The following NOL10 variants were observed in gnomAD, a reference collection of about 807,000 sequenced individuals.
The protein encoded by NOL10 is nucleolar protein 10, also known as H_NH0074G24.1.
In NOL10, 58 loss-of-function variants were observed where a neutral mutation model predicts 103.5. The observed-to-expected ratio is 0.56, with a 90% CI of 0.45 to 0.70. NOL10 has a LOEUF of 0.70. Ranked by LOEUF, NOL10 falls within the 30% of genes least tolerant of loss-of-function variation. The probability of loss-of-function intolerance (pLI) is 0.00; values close to 1 mark genes in which losing one functional copy is unlikely to be tolerated. For missense variants in NOL10, 763 were observed against 807.3 expected (o/e 0.95, Z 0.67); for synonymous variants, 287 against 282.5 (o/e 1.02, Z -0.16).
At position 10,589,662 on chromosome 2, in the gene NOL10, C is replaced by A; in HGVS notation, c.1512G>T (p.Arg504Ser). Residue 504 changes from arginine to serine, a missense_variant, in exon 18 of 21, where the codon AGG becomes AGT. Physicochemically the swap from Arg to Ser is moderately radical, Grantham distance 110. Coordinates refer to ENST00000381685, the MANE Select transcript of NOL10 (RefSeq NM_024894.4). ...TTTTTGAAACAAGTGGATTCAGAAG[C>A]CTAAATTCTTCACTCTCTTCATCTA... Reference protein sequence around the residue: ...FQVDEESEEFRLLNPLVSKIS... With the variant: ...FQVDEESEEFSLLNPLVSKIS... 1 of 1,591,486 alleles carries A rather than the reference C, an allele frequency of 6.3e-7. No homozygotes were observed.
At chr2:10,601,305 C>T (rs1212584936) in intron 16 of NOL10, among the ~76,000 whole-genome samples, 2 of 152,168 alleles carry the variant, frequency 1.3e-5, no homozygotes, top group African/African-American at 2.4e-5. Flanking sequence ...CCTCGTGATC[C>T]GCCTGCCTGG....
chr2:10,645,733 G>A (rs1298839576), intron 12 of NOL10, among the ~76,000 whole-genome samples: 1 of 151,932 alleles, frequency 6.6e-6, no homozygotes, highest in African/African-American at 2.4e-5. Flanking sequence ...GTTTCACCAT[G>A]TTAGCCAGGA....
At chr2:10,688,342 C>T (rs951703625) in intron 1 of NOL10, among the ~76,000 whole-genome samples, 1 of 152,202 alleles carries the variant, frequency 6.6e-6, no homozygotes, top group Non-Finnish European at 1.5e-5. Flanking sequence ...TCCTACCAGG[C>T]CTACCTCTCC....
chr2:10,630,225 C>T (rs1677742528), intron 13 of NOL10, among the ~76,000 whole-genome samples: 1 of 152,196 alleles, frequency 6.6e-6, no homozygotes. Context: ...CAATATCATT[C>T]CTCTTTTGTT....
intron 13 of NOL10, among the ~76,000 whole-genome samples, chr2:10,613,878 T>A (rs1160595199): frequency 6.6e-6 from 1 of 151,434 alleles, no homozygotes; most frequent in Non-Finnish European, 1.5e-5. Flanking sequence ...ACTGGAACAA[T>A]AATAAAAACA....
chr2:10,622,785 A>C (rs1677223944), intron 13 of NOL10, among the ~76,000 whole-genome samples: 2 of 152,276 alleles, frequency 1.3e-5, no homozygotes, highest in Non-Finnish European at 1.5e-5. Context: ...TTTTCCATGG[A>C]GATGAACCAG....
At chr2:10,589,342 C>T in intron 18 of NOL10, 52 bp from the exon 19 acceptor site, 1 of 1,599,768 alleles carries the variant, frequency 6.3e-7, no homozygotes, top group Admixed American at 1.7e-5. Context: ...CAAACACAGA[C>T]CCCTTGGTTT....
intron 1 of NOL10, among the ~76,000 whole-genome samples, chr2:10,688,265 T>TCGCA (rs1243345091): frequency 2.0e-5 from 3 of 152,190 alleles, no homozygotes. Flanking sequence ...TAGACATTTG[T>TCGCA]CGCACAGCAG....
chr2:10,682,578 T>G (rs2148365169), intron 2 of NOL10, among the ~76,000 whole-genome samples: 1 of 152,066 alleles, frequency 6.6e-6, no homozygotes, highest in African/African-American at 2.4e-5. Context: ...TTTTGTATTT[T>G]TTGTAGAGAT....
chr2:10,685,496 CCCCCCCCCCCCG>C (rs1558360196), intron 1 of NOL10, among the ~76,000 whole-genome samples: 5 of 18,670 alleles, frequency 2.7e-4, no homozygotes, highest in Non-Finnish European at 6.9e-4. Flanking sequence ...CGTCCCCCCC[CCCCCCCCCCCCG>C]CCAAAAAAAA....
rs1674153526 is a variant in NOL10 at position 10,571,089 on chromosome 2, A to G, written c.*982T>C. 1 of 152,238 alleles carries G rather than the reference A, an allele frequency of 6.6e-6. No individual in the cohort carries two copies. Among genetic ancestry groups the G allele is most frequent in the Non-Finnish European group, 1.5e-5 (1 of 68,046 alleles). 9.4% of individuals were successfully genotyped at this position (152,238 alleles called of 1,614,324 possible). A position where few individuals can be genotyped will look rare whatever the true frequency, so the allele number is the denominator to read the frequency against. ...TCCTCCAATGTCATGTCAGTGCTTG[A>G]TATGGTTTTGCTCTGTGTCCCCACA... On this transcript the variant is annotated 3_prime_UTR_variant, in exon 21 of 21. Coordinates refer to ENST00000381685, the MANE Select transcript of NOL10 (RefSeq NM_024894.4).
chr2:10,604,299 C>G (rs962145468), intron 14 of NOL10, among the ~76,000 whole-genome samples: 2 of 152,126 alleles, frequency 1.3e-5, no homozygotes, highest in African/African-American at 4.8e-5. Context: ...AAGCATTACT[C>G]TAATTTCCAA....
chr2:10,597,547 G>A (rs10490187), intron 17 of NOL10, among the ~76,000 whole-genome samples: 30,013 of 151,964 alleles, frequency 0.2, 3,754 homozygotes, highest in East Asian at 0.43. Context: ...TGATTTCTAC[G>A]ATCTTCACTT....
chr2:10,587,250 TATATATACAC>T (rs1675148355), intron 19 of NOL10, among the ~76,000 whole-genome samples: 2 of 44,802 alleles, frequency 4.5e-5, no homozygotes, highest in African/African-American at 2.1e-4. Context: ...CATACATATA[TATATATACAC>T]ATATATATAT....
chr2:10,670,313 G>A (rs1306886954), intron 6 of NOL10, among the ~76,000 whole-genome samples: 1 of 151,564 alleles, frequency 6.6e-6, no homozygotes, highest in Non-Finnish European at 1.5e-5. Context: ...GTATTTTCAG[G>A]GGAAAAAAAA....
chr2:10,620,323 C>T (rs1455841559), intron 13 of NOL10, among the ~76,000 whole-genome samples: 1 of 151,804 alleles, frequency 6.6e-6, no homozygotes, highest in Non-Finnish European at 1.5e-5. Flanking sequence ...GGGGGAAACT[C>T]GGCAGAAAAA....
At chr2:10,610,108 A>T (rs1676471999) in intron 13 of NOL10, among the ~76,000 whole-genome samples, 1 of 152,226 alleles carries the variant, frequency 6.6e-6, no homozygotes, top group African/African-American at 2.4e-5. Context: ...GTATATGAAT[A>T]CTTCTGGTGA....
chr2:10,612,876 A>C (rs1676643818), intron 13 of NOL10, among the ~76,000 whole-genome samples: 1 of 152,088 alleles, frequency 6.6e-6, no homozygotes, highest in South Asian at 2.1e-4. Context: ...AAAATATTAA[A>C]AAATTAACCA....
Position 10,644,354 on chromosome 2 carries a change from T to G in NOL10, c.992A>C (p.Asn331Thr). The change falls in exon 13 of 21, where the codon AAT (asparagine) becomes ACT (threonine). Residue 331 changes from asparagine (N) to threonine (T), a missense_variant. Asn to Thr is a moderately conservative substitution (Grantham distance 65, BLOSUM62 0). Transcript: ENST00000381685. ...YPNSGMLLTA[N>T]ETPKMGIYYI... ...ATAGATGCCCATCTTGGGGGTTTCATTGGCCGTCAGAAGCATGCCTAAAAA... is the reference window on the plus strand; with the variant it reads ...ATAGATGCCCATCTTGGGGGTTTCAGTGGCCGTCAGAAGCATGCCTAAAAA... 1 of 1,540,890 alleles carries G rather than the reference T, an allele frequency of 6.5e-7. No homozygotes were observed. The highest frequency in any genetic ancestry group is 8.7e-7 in the Non-Finnish European group (1 of 1,143,782).
Sources: gnomAD v4.1 joint callset for allele counts (sites outside exome capture counted in the v4.1 genomes callset) on GRCh38, gnomAD v4.1.1 for gene constraint, MANE v1.5 for transcripts, NCBI Gene and HGNC (gene_info 2026-07-23, HGNC 2026-07-21) for gene names.